The following TTLL5 variants were observed in gnomAD, a reference collection of about 807,000 sequenced individuals.
TTLL5 encodes tubulin tyrosine ligase like 5, also known as tubulin polyglutamylase TTLL5.
Under a neutral mutation model 168.4 loss-of-function variants are expected in TTLL5, and 132 were observed. The observed-to-expected ratio is 0.78, with a 90% CI of 0.68 to 0.91. TTLL5 has a LOEUF of 0.91. TTLL5 is among the 40% of genes least tolerant of loss of function. The pLI is 0.00. For synonymous variants in TTLL5, 546 were observed against 558.6 expected (o/e 0.98, Z 0.32); for missense variants, 1,545 against 1,581.5 (o/e 0.98, Z 0.39).
chr14:75,792,679 T>A (rs1017464842), intron 26 of TTLL5, among the ~76,000 whole-genome samples: 5 of 152,196 alleles, frequency 3.3e-5, no homozygotes, highest in African/African-American at 4.8e-5. Flanking sequence ...AAGCTTTCAT[T>A]ATAAGCAAAA....
At chr14:75,947,557 A>T (rs529151142) in intron 31 of TTLL5, among the ~76,000 whole-genome samples, 1 of 152,232 alleles carries the variant, frequency 6.6e-6, no homozygotes, top group Non-Finnish European at 1.5e-5. Flanking sequence ...CATAAGAAAA[A>T]TAGATAAATC....
Position 75,882,898 on chromosome 14 carries a change from T to A in TTLL5, c.3736T>A (p.Ser1246Thr), listed in dbSNP as rs758584117. 1.9e-6 allele frequency: 3 copies of A among 1,614,068 alleles called. No individual in the cohort carries two copies. The highest frequency in any genetic ancestry group is 2.5e-6 in the Non-Finnish European group (3 of 1,179,958). ...VLRRATSQKA[S>T]KGSSAEGQLN... ...CAGAAGGGCAACATCCCAGAAAGCT[T>A]CCAAGTAAGTTTTTTTCTGTTCAAT... Residue 1246 changes from serine to threonine, a missense_variant, in exon 30 of 32, where the codon TCC (serine) becomes ACC (threonine). By Grantham distance (58) the Ser-to-Thr change is moderately conservative. Transcript: ENST00000298832.
intron 31 of TTLL5, chr14:75,902,629 T>C (rs1274331517): frequency 2.2e-6 from 1 of 458,390 alleles, no homozygotes; most frequent in Non-Finnish European, 4.4e-6. Context: ...GTTGAGGGCT[T>C]GTTGAAGTTT....
intron 28 of TTLL5, among the ~76,000 whole-genome samples, chr14:75,821,537 C>T (rs1315209211): frequency 6.6e-6 from 1 of 152,172 alleles, no homozygotes; most frequent in Non-Finnish European, 1.5e-5. Flanking sequence ...GGCATTGCTC[C>T]TACTGTAAAC....
chr14:75,810,331 A>G (rs1754202599), intron 27 of TTLL5, among the ~76,000 whole-genome samples: 2 of 151,922 alleles, frequency 1.3e-5, no homozygotes, highest in South Asian at 2.1e-4. Flanking sequence ...TATTAACTAA[A>G]TCATCTTCTC....
Position 75,954,507 on chromosome 14 carries a change from G to C in TTLL5, c.*61G>C. On this transcript the variant is annotated 3_prime_UTR_variant, in exon 32 of 32. Coordinates refer to ENST00000298832, the MANE Select transcript of TTLL5 (RefSeq NM_015072.5). ...TCCTGGGTGCATGATTGAGGGTGAAGCATCCACCAGCACTTCAAGGGGTCC... is the reference window on the plus strand; with the variant it reads ...TCCTGGGTGCATGATTGAGGGTGAACCATCCACCAGCACTTCAAGGGGTCC... 2.5e-6 allele frequency: 4 copies of C among 1,582,492 alleles called. No homozygotes were observed. The highest frequency in any genetic ancestry group is 1.7e-4 in the Middle Eastern group (1 of 5,996).
intron 15 of TTLL5, among the ~76,000 whole-genome samples, chr14:75,735,815 G>A (rs551848027): frequency 6.6e-6 from 1 of 152,188 alleles, no homozygotes; most frequent in East Asian, 1.9e-4. Flanking sequence ...GCATTGCTTC[G>A]GTCTTTGTGT....
chr14:75,728,453 G>A (rs892088059), intron 12 of TTLL5, among the ~76,000 whole-genome samples: 5 of 152,060 alleles, frequency 3.3e-5, no homozygotes, highest in Non-Finnish European at 7.4e-5. Context: ...TATTTGGGAG[G>A]TGGTAAGAGA....
chr14:75,779,432 T>G (rs910185580), intron 23 of TTLL5, 143 bp from the exon 24 acceptor site: 2 of 1,127,510 alleles, frequency 1.8e-6, no homozygotes, highest in African/African-American at 3.2e-5. Context: ...ATATTTTATT[T>G]TAACCACCTA....
chr14:75,923,917 T>C (rs1595275747), intron 31 of TTLL5, among the ~76,000 whole-genome samples: 1 of 152,250 alleles, frequency 6.6e-6, no homozygotes. Flanking sequence ...ATATTTAGGA[T>C]AGTTAGCTCT....
At chr14:75,928,612 A>G (rs1054325077) in intron 31 of TTLL5, among the ~76,000 whole-genome samples, 1 of 151,978 alleles carries the variant, frequency 6.6e-6, no homozygotes, top group African/African-American at 2.4e-5. Flanking sequence ...ACACTAAAAA[A>G]AAGACAACTT....
chr14:75,742,699 C>T (rs1262756508), intron 15 of TTLL5, among the ~76,000 whole-genome samples: 1 of 152,136 alleles, frequency 6.6e-6, no homozygotes, highest in Non-Finnish European at 1.5e-5. Context: ...CCAGGCTTTG[C>T]CAGTGGCTTT....
chr14:75,851,897 T>C (rs1896875041), intron 28 of TTLL5, among the ~76,000 whole-genome samples: 1 of 152,348 alleles, frequency 6.6e-6, no homozygotes, highest in Non-Finnish European at 1.5e-5. Context: ...AGTACCCTTA[T>C]TGGTTACCCC....
At chr14:75,757,988 T>G in intron 18 of TTLL5, 6 of 1,050,488 alleles carry the variant, frequency 5.7e-6, no homozygotes, top group Non-Finnish European at 7.5e-6. Flanking sequence ...AATAGTAACA[T>G]AAAAATTTTT....
In TTLL5 at chr14:75,734,063, A is replaced by G. The variant is rs1267400471; in HGVS notation, c.1186+13A>G. ...TTCACTGTTGTAGGTGAGTAGTAGT[A>G]TTTTCTGAACTGGACTCACATAAAA... On this transcript the variant is annotated intron_variant, in intron 14 of 31. Coordinates refer to ENST00000298832, the MANE Select transcript of TTLL5 (RefSeq NM_015072.5). 1 of 1,613,048 alleles carries G rather than the reference A, an allele frequency of 6.2e-7. No individual in the cohort carries two copies. The highest frequency in any genetic ancestry group is 1.3e-5 in the African/African-American group (1 of 74,874).
chr14:75,872,234 A>T (rs1014763995), intron 29 of TTLL5, among the ~76,000 whole-genome samples: 1 of 152,208 alleles, frequency 6.6e-6, no homozygotes, highest in East Asian at 1.9e-4. Context: ...TTCCTTCTCA[A>T]GAAAGAGAAT....
At chr14:75,895,713 G>T (rs2032624849) in intron 30 of TTLL5, among the ~76,000 whole-genome samples, 1 of 151,930 alleles carries the variant, frequency 6.6e-6, no homozygotes, top group Non-Finnish European at 1.5e-5. Flanking sequence ...TTATTTAAAA[G>T]ACAAGAAGGA....
chr14:75,816,974 A>ATTTTTT (rs35736530), intron 27 of TTLL5, among the ~76,000 whole-genome samples: 29 of 96,094 alleles, frequency 3.0e-4, no homozygotes, highest in African/African-American at 5.9e-4. Context: ...TCCCTGTCTT[A>ATTTTTT]TTTTTTTTTT....
At chr14:75,803,694 C>A (rs1893474937) in intron 27 of TTLL5, among the ~76,000 whole-genome samples, 1 of 152,106 alleles carries the variant, frequency 6.6e-6, no homozygotes, top group Non-Finnish European at 1.5e-5. Flanking sequence ...CATCTTGCAC[C>A]TGGGCTGGGG....
Sources: allele counts gnomAD v4.1 joint callset (sites outside exome capture counted in the v4.1 genomes callset), GRCh38; gene constraint gnomAD v4.1.1; transcripts MANE v1.5; gene names NCBI Gene and HGNC (gene_info 2026-07-23, HGNC 2026-07-21).